PAFAH1B2: variants seen among roughly 807,000 people sequenced by gnomAD.
The protein encoded by PAFAH1B2 is platelet activating factor acetylhydrolase 1b catalytic subunit 2.
PAFAH1B2 carries 8 observed loss-of-function variants against 28.0 expected under a neutral mutation model. The observed-to-expected ratio is 0.29, with a 90% CI of 0.17 to 0.52. The LOEUF (loss-of-function observed/expected upper bound fraction) is 0.52. PAFAH1B2 is among the 20% of genes least tolerant of loss of function. The pLI is 0.97. For synonymous variants in PAFAH1B2, 104 were observed against 103.2 expected, an observed-to-expected ratio of 1.01 and a Z score of -0.05; for missense variants, 190 against 282.6, an observed-to-expected ratio of 0.67 and a Z score of 2.35.
At chr11:117,146,200 C>T (rs1956004077) in intron 1 of PAFAH1B2, among the ~76,000 whole-genome samples, 1 of 149,956 alleles carries the variant, frequency 6.7e-6, no homozygotes. Context: ...CTACTCACTA[C>T]AACCTCTGCC....
At chr11:117,147,389 A>G (rs1017717033) in intron 1 of PAFAH1B2, among the ~76,000 whole-genome samples, 1 of 152,146 alleles carries the variant, frequency 6.6e-6, no homozygotes, top group East Asian at 1.9e-4. Flanking sequence ...GTAGAGACAC[A>G]GTTTCACCAT....
chr11:117,163,997 G>A (rs1956438933), intron 5 of PAFAH1B2, 105 bp downstream of exon 5: 3 of 1,216,902 alleles, frequency 2.5e-6, no homozygotes, highest in Non-Finnish European at 3.6e-6. Context: ...TGAGGTGGAA[G>A]CAGTTTATCA....
chr11:117,161,954 T>C (rs1810078894), intron 4 of PAFAH1B2, among the ~76,000 whole-genome samples: 1 of 152,118 alleles, frequency 6.6e-6, no homozygotes, highest in Admixed American at 6.5e-5. Context: ...TGTTTAACCA[T>C]ATAAACAGGT....
chr11:117,172,371 TATATATATATATATATA>T (rs1956673525), downstream of PAFAH1B2, among the ~76,000 whole-genome samples: 4 of 2,990 alleles, frequency 1.3e-3, no homozygotes, highest in African/African-American at 4.3e-3. Flanking sequence ...TATATATATA[TATATATATATATATATA>T]TATATATATA....
intron 2 of PAFAH1B2, chr11:117,159,727 G>C (rs930557676): frequency 1.2e-5 from 6 of 491,390 alleles, no homozygotes; most frequent in African/African-American, 1.2e-4. Context: ...AGAGCCAGAC[G>C]CTGTCTTAGA....
intron 3 of PAFAH1B2, 89 bp from the exon 4 acceptor site, chr11:117,161,056 G>C: frequency 4.9e-6 from 4 of 815,806 alleles, no homozygotes; most frequent in Non-Finnish European, 8.1e-6. Context: ...TACAGAAAAA[G>C]GAAATTAATG....
intron 1 of PAFAH1B2, among the ~76,000 whole-genome samples, chr11:117,146,294 C>T (rs1173705314): frequency 6.6e-6 from 1 of 151,510 alleles, no homozygotes; most frequent in African/African-American, 2.4e-5. Flanking sequence ...GGTTTCGCCA[C>T]GTTGGCCAGG....
intron 1 of PAFAH1B2, among the ~76,000 whole-genome samples, chr11:117,150,372 A>G (rs1956122159): frequency 6.7e-6 from 1 of 148,912 alleles, no homozygotes; most frequent in East Asian, 2.0e-4. Context: ...CTGGTCTTGA[A>G]CTCCTGACCT....
rs1404698585 is a variant in PAFAH1B2 at position 117,152,526 on chromosome 11, C to G, written c.79C>G (p.Gln27Glu). 1 of 1,603,912 alleles carries G rather than the reference C, an allele frequency of 6.2e-7. No homozygotes were observed. The highest frequency in any genetic ancestry group is 8.5e-7 in the Non-Finnish European group (1 of 1,170,620). ...DIQGDDRWMS[Q>E]HNRFVLDCKD... The stretch of plus-strand genomic sequence containing the variant: ...TCAAGGAGATGACCGATGGATGTCT[C>G]AGGTAAAAGGAAGTGCATGTGTATC... The change falls in exon 2 of 6, where the codon CAG becomes GAG. Residue 27 changes from glutamine (Q) to glutamate (E), a missense_variant and splice_region_variant. Gln to Glu is a conservative substitution (Grantham distance 29, BLOSUM62 2). Transcript: ENST00000527958.
intron 4 of PAFAH1B2, among the ~76,000 whole-genome samples, chr11:117,162,201 A>T (rs1956389374): frequency 6.6e-6 from 1 of 152,180 alleles, no homozygotes; most frequent in Admixed American, 6.6e-5. Context: ...TGGCATGATT[A>T]TAGCTCACTG....
chr11:117,156,531 A>G (rs1956258646), intron 2 of PAFAH1B2, among the ~76,000 whole-genome samples: 1 of 152,236 alleles, frequency 6.6e-6, no homozygotes, highest in Admixed American at 6.5e-5. Flanking sequence ...ACATGAAAAA[A>G]GATGAGGAGA....
At chr11:117,150,494 A>G (rs1165317143) in intron 1 of PAFAH1B2, among the ~76,000 whole-genome samples, 1 of 151,550 alleles carries the variant, frequency 6.6e-6, no homozygotes, top group Non-Finnish European at 1.5e-5. Flanking sequence ...ATATTCTAGT[A>G]TCATTTAGAA....
At chr11:117,173,543 A>C (rs1178492353), downstream of PAFAH1B2, among the ~76,000 whole-genome samples, 1 of 152,008 alleles carries the variant, frequency 6.6e-6, no homozygotes, top group Non-Finnish European at 1.5e-5. Context: ...AGAGGTTTTT[A>C]TGTTGCCCAG....
At chr11:117,152,253 T>C (rs1956168744) in intron 1 of PAFAH1B2, among the ~76,000 whole-genome samples, 188 bp from the exon 2 acceptor site, 1 of 152,204 alleles carries the variant, frequency 6.6e-6, no homozygotes, top group Non-Finnish European at 1.5e-5. Flanking sequence ...GTGCTATCTT[T>C]ATGGGACTTA....
intron 2 of PAFAH1B2, among the ~76,000 whole-genome samples, chr11:117,153,277 G>A (rs1008868890): frequency 2.0e-5 from 3 of 152,172 alleles, no homozygotes; most frequent in African/African-American, 7.2e-5. Context: ...AAATGTTACA[G>A]AAATTTAGAA....
Position 117,168,047 on chromosome 11 carries a change from T to C in PAFAH1B2, c.*348T>C. 9.4e-7 allele frequency: 1 copy of C among 1,065,758 alleles called. No individual in the cohort carries two copies. The highest frequency in any genetic ancestry group is 1.1e-6 in the Non-Finnish European group (1 of 879,796). The allele number at this position is 1,065,758 out of a possible 1,614,324, so 66.0% of individuals were successfully genotyped here. A position where few individuals can be genotyped will look rare whatever the true frequency, so the allele number is the denominator to read the frequency against. The stretch of plus-strand genomic sequence containing the variant: ...ATATGAAGATTCTTTTCTTGGCCTT[T>C]CTGTGGATTATGTCATATATAATAA... On this transcript the variant is annotated 3_prime_UTR_variant, in exon 6 of 6. Coordinates refer to ENST00000527958, the MANE Select transcript of PAFAH1B2 (RefSeq NM_002572.4).
chr11:117,169,167 C>A lies in PAFAH1B2; in HGVS notation c.*1468C>A. On this transcript the variant is annotated 3_prime_UTR_variant, in exon 6 of 6. Transcript: ENST00000527958. ...TGGGGAAACAAGTGAAGCTGCTCTT[C>A]AGCATAGACACTACCTTTATCCCAT... 1 of 1,028,168 alleles carries A rather than the reference C, an allele frequency of 9.7e-7. No homozygotes were observed. Among genetic ancestry groups the A allele is most frequent in the Non-Finnish European group, 1.2e-6 (1 of 855,750 alleles). The allele number at this position is 1,028,168 out of a possible 1,614,324, so 63.7% of individuals were successfully genotyped here.
At chr11:117,172,728 C>G (rs978601367), downstream of PAFAH1B2, among the ~76,000 whole-genome samples, 3 of 152,084 alleles carry the variant, frequency 2.0e-5, no homozygotes, top group African/African-American at 7.2e-5. Context: ...TTTTTGGAAA[C>G]AGTCTCGCTT....
downstream of PAFAH1B2, chr11:117,175,383 G>A (rs568776891): frequency 3.2e-4 from 342 of 1,073,146 alleles, no homozygotes; most frequent in South Asian, 6.0e-3. Context: ...CATAAGTGCG[G>A]GGTAGGGCAG....
Sources: allele counts gnomAD v4.1 joint callset (sites outside exome capture counted in the v4.1 genomes callset), GRCh38; gene constraint gnomAD v4.1.1; transcripts MANE v1.5; gene names NCBI Gene and HGNC (gene_info 2026-07-23, HGNC 2026-07-21).